CTIF: variants seen among roughly 807,000 people sequenced by gnomAD.
CTIF encodes the protein CBP80/20-dependent translation initiation factor.
In CTIF, 21 loss-of-function variants were observed where a neutral mutation model predicts 66.0. The observed-to-expected ratio is 0.32, with a 90% CI of 0.23 to 0.46. CTIF has a LOEUF of 0.46. CTIF is among the 20% of genes least tolerant of loss of function. CTIF has a pLI of 1.00. For missense variants in CTIF, 739 were observed against 812.7 expected, an observed-to-expected ratio of 0.91 and a Z score of 1.10; for synonymous variants, 345 against 326.4, an observed-to-expected ratio of 1.06 and a Z score of -0.62.
At chr18:48,641,063 C>T (rs1455359825) in intron 3 of CTIF, among the ~76,000 whole-genome samples, 1 of 152,202 alleles carries the variant, frequency 6.6e-6, no homozygotes, top group African/African-American at 2.4e-5. Flanking sequence ...TCCCAAAAGA[C>T]TCACCCATCA....
intron 1 of CTIF, among the ~76,000 whole-genome samples, chr18:48,576,997 A>T (rs1046720744): frequency 3.9e-5 from 6 of 152,198 alleles, no homozygotes; most frequent in African/African-American, 1.4e-4. Context: ...TTCCCCTGGG[A>T]TGATCTGCGG....
At chr18:48,628,152 G>T (rs1160787943) in intron 2 of CTIF, among the ~76,000 whole-genome samples, 1 of 152,196 alleles carries the variant, frequency 6.6e-6, no homozygotes, top group Non-Finnish European at 1.5e-5. Context: ...TTGCAGAAAT[G>T]AGCTATGCAA....
intron 7 of CTIF, among the ~76,000 whole-genome samples, chr18:48,721,457 T>C (rs1007779308): frequency 6.6e-6 from 1 of 152,150 alleles, no homozygotes; most frequent in African/African-American, 2.4e-5. Context: ...CAACCCTTCA[T>C]TCCTCTCCGG....
At chr18:48,693,920 C>G (rs912698156) in intron 6 of CTIF, among the ~76,000 whole-genome samples, 18 of 152,260 alleles carry the variant, frequency 1.2e-4, no homozygotes, top group African/African-American at 4.1e-4. Flanking sequence ...GATCCCTGCT[C>G]TAGAGGGTTG....
At position 48,838,195 on chromosome 18, in the gene CTIF, C is replaced by T. The variant is rs199937558; in HGVS notation, c.1528-19393C>T. ...ATCCAGAAATGACAGCAACAAAGCACCTGCTTTTTCTTCCTGCTTTTCTCC... is the reference window on the plus strand; with the variant it reads ...ATCCAGAAATGACAGCAACAAAGCATCTGCTTTTTCTTCCTGCTTTTCTCC... On this transcript the variant is annotated intron_variant, in intron 10 of 11. Coordinates refer to ENST00000256413, the MANE Select transcript of CTIF (RefSeq NM_014772.3). Among the ~76,000 whole-genome samples, 11 of 152,302 alleles carry T rather than the reference C, an allele frequency of 7.2e-5. No homozygotes were observed. The East Asian group carries it at 1.5e-3, about 21-fold the overall frequency.
chr18:48,575,162 G>A (rs539495538), intron 1 of CTIF, among the ~76,000 whole-genome samples: 1 of 152,352 alleles, frequency 6.6e-6, no homozygotes, highest in Non-Finnish European at 1.5e-5. Flanking sequence ...CCGCCGTCAG[G>A]TCAGCACGTA....
At chr18:48,560,779 C>G (rs1392780573) in intron 1 of CTIF, among the ~76,000 whole-genome samples, 4 of 151,736 alleles carry the variant, frequency 2.6e-5, no homozygotes, top group Non-Finnish European at 5.9e-5. Context: ...CACCACGTTG[C>G]CCAGGCTGGT....
At chr18:48,626,135 G>A (rs1368423847) in intron 2 of CTIF, among the ~76,000 whole-genome samples, 1 of 150,834 alleles carries the variant, frequency 6.6e-6, no homozygotes, top group African/African-American at 2.4e-5. Context: ...CCGAGTAGCT[G>A]GGACTACAGG....
Position 48,800,855 on chromosome 18 carries a change from T to G in CTIF, c.1372-16366T>G, listed in dbSNP as rs140784218. 1.4e-3 allele frequency among the ~76,000 whole-genome samples: 220 copies of G among 152,306 alleles called. 1 individual carries two copies. Among genetic ancestry groups the G allele is most frequent in the African/African-American group, 5.1e-3 (211 of 41,566 alleles). ...TGCATATCTTGACACACTAGTGATTTTCATGTATTTTTAGCAGAAGAGTTG... is the reference window on the plus strand; with the variant it reads ...TGCATATCTTGACACACTAGTGATTGTCATGTATTTTTAGCAGAAGAGTTG... On this transcript the variant is annotated intron_variant, in intron 9 of 11. Transcript: ENST00000256413.
At chr18:48,773,168 AG>A (rs1368079831) in intron 9 of CTIF, among the ~76,000 whole-genome samples, 1 of 152,192 alleles carries the variant, frequency 6.6e-6, no homozygotes. Flanking sequence ...ACTTGCAGGA[AG>A]GATCTATAGA....
intron 9 of CTIF, among the ~76,000 whole-genome samples, chr18:48,807,285 A>G (rs1448966784): frequency 6.6e-6 from 1 of 152,192 alleles, no homozygotes. Context: ...ATCAAGGAAA[A>G]GGGTCACAAC....
chr18:48,643,696 T>G (rs2090974090), intron 3 of CTIF, among the ~76,000 whole-genome samples: 1 of 152,156 alleles, frequency 6.6e-6, no homozygotes, highest in Admixed American at 6.6e-5. Context: ...AGAGTGAGAC[T>G]GACAGGCAGG....
intron 7 of CTIF, among the ~76,000 whole-genome samples, chr18:48,728,547 C>T (rs935873944): frequency 6.6e-6 from 1 of 152,122 alleles, no homozygotes; most frequent in Admixed American, 6.5e-5. Flanking sequence ...GGCTGTTGGC[C>T]AGGATTGCGG....
chr18:48,759,482 CCGAGTCCT>C (rs1413858104), intron 8 of CTIF, among the ~76,000 whole-genome samples: 1 of 152,250 alleles, frequency 6.6e-6, no homozygotes, highest in African/African-American at 2.4e-5. Context: ...ATCCTCTCCA[CCGAGTCCT>C]CTAGAGTTCT....
At chr18:48,591,301 T>C (rs1015378187) in intron 1 of CTIF, among the ~76,000 whole-genome samples, 1 of 152,134 alleles carries the variant, frequency 6.6e-6, no homozygotes, top group African/African-American at 2.4e-5. Context: ...TGGGCCACCC[T>C]CTGATGTGGT....
chr18:48,596,760 G>A (rs1306768623), intron 1 of CTIF, among the ~76,000 whole-genome samples: 8 of 152,184 alleles, frequency 5.3e-5, no homozygotes, highest in Non-Finnish European at 1.2e-4. Flanking sequence ...ACAGGCGTGA[G>A]CCACCGCACA....
chr18:48,659,284 G>A lies in CTIF; in HGVS notation c.253-4468G>A, dbSNP rs56718074. ...TACTTCTCCAGAGACTCAGCTTCTC[G>A]TCTGCCAGGCCCCGAGTCTTCATGG... On this transcript the variant is annotated intron_variant, in intron 3 of 11. Coordinates refer to ENST00000256413, the MANE Select transcript of CTIF (RefSeq NM_014772.3). Among the ~76,000 whole-genome samples the A allele has an allele frequency of 7.3e-3, 1,116 of 152,190 alleles. 9 individuals carry two copies. Among genetic ancestry groups the A allele is most frequent in the African/African-American group, 0.026 (1,066 of 41,508 alleles).
intron 10 of CTIF, among the ~76,000 whole-genome samples, chr18:48,842,782 A>C (rs1012350129): frequency 1.3e-5 from 2 of 152,360 alleles, no homozygotes; most frequent in South Asian, 4.1e-4. Context: ...TGTTTACTTT[A>C]GAGAGCGGAA....
At chr18:48,858,078 G>T (rs2069371279) in intron 11 of CTIF, among the ~76,000 whole-genome samples, 1 of 152,242 alleles carries the variant, frequency 6.6e-6, no homozygotes, top group Non-Finnish European at 1.5e-5. Context: ...CTAAGCTGTG[G>T]CCCCTGCTAA....
Sources: gnomAD v4.1 joint callset for allele counts (sites outside exome capture counted in the v4.1 genomes callset) on GRCh38, gnomAD v4.1.1 for gene constraint, MANE v1.5 for transcripts, NCBI Gene and HGNC (gene_info 2026-07-23, HGNC 2026-07-21) for gene names.